The following C12orf75 variants were observed in gnomAD, a reference collection of about 807,000 sequenced individuals.
C12orf75 encodes the protein overexpressed in colon carcinoma 1 protein.
Under a neutral mutation model 11.4 loss-of-function variants are expected in C12orf75, and 4 were observed. That is an observed-to-expected ratio of 0.35 (90% CI 0.17 to 0.80). The LOEUF (loss-of-function observed/expected upper bound fraction) is 0.80. C12orf75 is among the 30% of genes least tolerant of loss of function. The pLI is 0.52. For missense variants in C12orf75, 89 were observed against 80.4 expected (o/e 1.11, Z -0.41); for synonymous variants, 30 against 30.0 (o/e 1.00, Z 0.00).
At chr12:105,330,971 C>CGGGGGGGGGG in intron 1 of C12orf75, 34 bp downstream of exon 1, 1 of 814,530 alleles carries the variant, frequency 1.2e-6, no homozygotes, top group Non-Finnish European at 1.6e-6. Flanking sequence ...CCGGCGGGGG[C>CGGGGGGGGGG]GGGCGGGAGA....
chr12:105,341,930 C>G (rs973609181), intron 1 of C12orf75, among the ~76,000 whole-genome samples: 3 of 152,214 alleles, frequency 2.0e-5, no homozygotes, highest in Non-Finnish European at 4.4e-5. Flanking sequence ...TGCACAAGCT[C>G]TCTTGCCTGC....
intron 2 of C12orf75, among the ~76,000 whole-genome samples, chr12:105,355,853 G>A (rs1892774640): frequency 1.0e-4 from 1 of 9,976 alleles, no homozygotes; most frequent in Admixed American, 1.3e-3. Context: ...CCCTTAGTAA[G>A]AGAATAACTG....
chr12:105,362,980 A>G (rs1187519068), intron 2 of C12orf75, among the ~76,000 whole-genome samples: 1 of 152,270 alleles, frequency 6.6e-6, no homozygotes, highest in African/African-American at 2.4e-5. Context: ...AGCTTTTGCA[A>G]AAGCAGTATG....
intron 2 of C12orf75, among the ~76,000 whole-genome samples, chr12:105,359,975 T>C (rs920570246): frequency 1.1e-4 from 16 of 152,144 alleles, no homozygotes; most frequent in African/African-American, 3.9e-4. Context: ...CCACCGTGAA[T>C]TGGCCTTGTC....
intron 2 of C12orf75, among the ~76,000 whole-genome samples, chr12:105,365,502 T>G (rs1459446053): frequency 1.3e-5 from 2 of 152,230 alleles, no homozygotes; most frequent in Non-Finnish European, 2.9e-5. Context: ...AACTCAGGCT[T>G]CTTTCCAATT....
At chr12:105,355,474 A>G (rs1458028175) in intron 2 of C12orf75, among the ~76,000 whole-genome samples, 1 of 152,100 alleles carries the variant, frequency 6.6e-6, no homozygotes, top group Non-Finnish European at 1.5e-5. Context: ...GGCCATTTTC[A>G]TGGAGTTTTA....
At chr12:105,370,219 T>C (rs1871589177) in intron 5 of C12orf75, among the ~76,000 whole-genome samples, 1 of 152,172 alleles carries the variant, frequency 6.6e-6, no homozygotes, top group African/African-American at 2.4e-5. Context: ...TGACAATGGA[T>C]GGCCTGGCTG....
chr12:105,333,063 G>C (rs1328995926), intron 1 of C12orf75, among the ~76,000 whole-genome samples: 1 of 152,154 alleles, frequency 6.6e-6, no homozygotes, highest in African/African-American at 2.4e-5. Context: ...TTGTTCAGAG[G>C]AGAGAAGGAT....
At chr12:105,346,686 G>A (rs972080679) in intron 1 of C12orf75, among the ~76,000 whole-genome samples, 1 of 152,158 alleles carries the variant, frequency 6.6e-6, no homozygotes, top group Non-Finnish European at 1.5e-5. Context: ...AAAAGAATTC[G>A]TTTGAGACAT....
chr12:105,366,220 C>T (rs555185163), intron 3 of C12orf75: 1 of 292,310 alleles, frequency 3.4e-6, no homozygotes, highest in East Asian at 7.0e-5. Flanking sequence ...TTGTATCTCT[C>T]TATTAGTAAG....
At chr12:105,347,304 G>C (rs1592879444) in intron 1 of C12orf75, among the ~76,000 whole-genome samples, 1 of 152,176 alleles carries the variant, frequency 6.6e-6, no homozygotes, top group South Asian at 2.1e-4. Flanking sequence ...TATTAAGGAG[G>C]ACTGACTCAC....
intron 5 of C12orf75, among the ~76,000 whole-genome samples, chr12:105,369,691 T>C (rs1206982653): frequency 2.0e-5 from 3 of 152,200 alleles, no homozygotes; most frequent in Non-Finnish European, 2.9e-5. Context: ...CTCCCACTTA[T>C]GAGTGAGAAC....
At chr12:105,356,242 G>A (rs1892778989) in intron 2 of C12orf75, among the ~76,000 whole-genome samples, 1 of 152,100 alleles carries the variant, frequency 6.6e-6, no homozygotes, top group South Asian at 2.1e-4. Flanking sequence ...TTTATCTGGA[G>A]AATTGTAGTG....
At chr12:105,363,720 T>G (rs566507607) in intron 2 of C12orf75, among the ~76,000 whole-genome samples, 8 of 139,744 alleles carry the variant, frequency 5.7e-5, no homozygotes, top group Non-Finnish European at 1.0e-4. Flanking sequence ...CAAGACTCTG[T>G]CTTAATTAAA....
intron 1 of C12orf75, among the ~76,000 whole-genome samples, chr12:105,338,296 T>C (rs1892520895): frequency 6.6e-6 from 1 of 152,190 alleles, no homozygotes; most frequent in Admixed American, 6.5e-5. Flanking sequence ...TTCCTCGGCC[T>C]CCCGAGTAGC....
intron 1 of C12orf75, among the ~76,000 whole-genome samples, chr12:105,340,457 C>G (rs1346324509): frequency 1.3e-5 from 2 of 150,278 alleles, no homozygotes; most frequent in Non-Finnish European, 3.0e-5. Context: ...AAAATTTACT[C>G]AGTGCAGTAT....
chr12:105,333,420 G>A (rs1892461083), intron 1 of C12orf75, among the ~76,000 whole-genome samples: 1 of 152,156 alleles, frequency 6.6e-6, no homozygotes, highest in Non-Finnish European at 1.5e-5. Context: ...CGAGCAATAC[G>A]AAACGCGTTA....
At chr12:105,346,075 T>A (rs1188954779) in intron 1 of C12orf75, among the ~76,000 whole-genome samples, 1 of 152,188 alleles carries the variant, frequency 6.6e-6, no homozygotes, top group Non-Finnish European at 1.5e-5. Context: ...AGGAATCAAT[T>A]GATTCCAGAT....
intron 3 of C12orf75, chr12:105,366,171 C>A: frequency 2.9e-6 from 1 of 348,040 alleles, no homozygotes; most frequent in Admixed American, 4.4e-5. Flanking sequence ...ATTAACTGCA[C>A]TCCACCCTCA....
Sources: gnomAD v4.1 joint callset for allele counts (sites outside exome capture counted in the v4.1 genomes callset) on GRCh38, gnomAD v4.1.1 for gene constraint, MANE v1.5 for transcripts, NCBI Gene and HGNC (gene_info 2026-07-23, HGNC 2026-07-21) for gene names.